NSD1: variants seen among roughly 807,000 people sequenced by gnomAD.
NSD1 encodes nuclear receptor binding SET domain protein 1, also known as histone-lysine N-methyltransferase, H3 lysine-36 specific.
NSD1 carries 26 observed loss-of-function variants against 242.7 expected under a neutral mutation model. The ratio of observed to expected loss-of-function variants is 0.11; its 90% CI spans 0.08 to 0.15. NSD1 has a LOEUF of 0.15. Among genes scored for constraint, NSD1 ranks in the 10% least tolerant of loss-of-function variants. The probability of loss-of-function intolerance (pLI) is 1.00; values close to 1 mark genes in which losing one functional copy is unlikely to be tolerated. For synonymous variants in NSD1, 1,106 were observed against 1,178.1 expected (o/e 0.94, Z 1.25); for missense variants, 2,495 against 3,272.8 (o/e 0.76, Z 5.80).
At chr5:177,208,457 T>C (rs2149840813) in intron 4 of NSD1, among the ~76,000 whole-genome samples, 1 of 152,240 alleles carries the variant, frequency 6.6e-6, no homozygotes, top group South Asian at 2.1e-4. Flanking sequence ...ATCCTGTTTT[T>C]TCTATATTCA....
intron 20 of NSD1, among the ~76,000 whole-genome samples, chr5:177,287,257 CTTTT>C (rs2127268108): frequency 6.6e-6 from 1 of 152,330 alleles, no homozygotes; most frequent in African/African-American, 2.4e-5. Flanking sequence ...ATCCTGCTTT[CTTTT>C]ATTTGTGTAT....
At chr5:177,192,430 C>G (rs1761768730) in intron 3 of NSD1, among the ~76,000 whole-genome samples, 1 of 151,432 alleles carries the variant, frequency 6.6e-6, no homozygotes, top group African/African-American at 2.4e-5. Context: ...GAGTTTTGCT[C>G]TTGTTGCCCA....
chr5:177,296,790 AC>A lies in NSD1; in HGVS notation c.*1333del, dbSNP rs939755425. ...AAATCTGTTGGTGCTACCCTGCCCT[AC>A]CATTCACCCAGCTCACAGACTGCCA... On this transcript the variant is annotated 3_prime_UTR_variant, in exon 23 of 23. Transcript: ENST00000439151. 4.3e-6 allele frequency: 1 copy of A among 233,224 alleles called. No individual in the cohort carries two copies. The highest frequency in any genetic ancestry group is 2.2e-5 in the African/African-American group (1 of 45,342). The allele number at this position is 233,224 out of a possible 1,614,324, so 14.4% of individuals were successfully genotyped here.
chr5:177,260,550 G>A (rs1011675687), intron 14 of NSD1, among the ~76,000 whole-genome samples: 1 of 151,892 alleles, frequency 6.6e-6, no homozygotes, highest in African/African-American at 2.4e-5. Flanking sequence ...GTTTTACCAT[G>A]TTGGCCAGGC....
rs769311050 is a variant in NSD1, at chr5:177,280,841, A to T, written c.5892+7A>T. 6.2e-7 allele frequency: 1 copy of T among 1,614,140 alleles called. No individual in the cohort carries two copies. The highest frequency in any genetic ancestry group is 8.5e-7 in the Non-Finnish European group (1 of 1,180,016). On this transcript the variant is annotated splice_region_variant and intron_variant, in intron 18 of 22. Coordinates refer to ENST00000439151, the MANE Select transcript of NSD1 (RefSeq NM_022455.5). The stretch of plus-strand genomic sequence containing the variant: ...AAAAACAGATATTAAAAAGGTTAGA[A>T]AAAGCTAAATTACCATATACTTTCT...
At chr5:177,265,728 T>A (rs1319421264) in intron 14 of NSD1, 1 of 1,583,810 alleles carries the variant, frequency 6.3e-7, no homozygotes, top group Middle Eastern at 1.7e-4. Flanking sequence ...TAGTCCTCCA[T>A]GTAGAACACC....
chr5:177,172,176 C>T (rs1759767105), intron 2 of NSD1, among the ~76,000 whole-genome samples: 1 of 152,202 alleles, frequency 6.6e-6, no homozygotes, highest in South Asian at 2.1e-4. Flanking sequence ...TCTGATGTCA[C>T]TATAAACACT....
At chr5:177,289,144 A>G (rs777432341) in intron 21 of NSD1, among the ~76,000 whole-genome samples, 41 of 151,838 alleles carry the variant, frequency 2.7e-4, no homozygotes, top group Non-Finnish European at 5.3e-4. Flanking sequence ...ACATGATGAA[A>G]CCCCATCTCT....
intron 2 of NSD1, among the ~76,000 whole-genome samples, chr5:177,176,236 C>T (rs1760189069): frequency 6.6e-6 from 1 of 151,748 alleles, no homozygotes; most frequent in Admixed American, 6.6e-5. Context: ...GGATTAAAAT[C>T]TAAGATCTAA....
At chr5:177,185,937 T>TAA (rs1363824182) in intron 2 of NSD1, among the ~76,000 whole-genome samples, 4 of 89,898 alleles carry the variant, frequency 4.4e-5, no homozygotes, top group Non-Finnish European at 5.9e-5. Flanking sequence ...TATAAATAAA[T>TAA]ATATATAATA....
rs2149756709 is a variant in NSD1, at chr5:177,135,791, G to A, written c.688G>A (p.Ala230Thr). The change falls in exon 2 of 23, where the codon GCT becomes ACT. Residue 230 changes from alanine (A) to threonine (T), a missense_variant. Ala to Thr is a moderately conservative substitution (Grantham distance 58, BLOSUM62 0). Around this residue, in one of 19 missense-constraint regions of NSD1, gnomAD observed 376 missense variants for 367.4 expected, o/e 1.02. Transcript: ENST00000439151. ...GAVKSPFLPL[A>T]PQTETQKNKQ... ...AGTCAAATCGCCATTCTTGCCATTAGCTCCTCAGACTGAAACACAGAAAAA... is the reference window on the plus strand; with the variant it reads ...AGTCAAATCGCCATTCTTGCCATTAACTCCTCAGACTGAAACACAGAAAAA... The A allele has an allele frequency of 1.2e-6, 2 of 1,612,504 alleles. No individual in the cohort carries two copies. Among genetic ancestry groups the A allele is most frequent in the Non-Finnish European group, 1.7e-6 (2 of 1,178,600 alleles).
In NSD1 at chr5:177,211,419, C is replaced by T. The variant is rs769099187; in HGVS notation, c.3020C>T (p.Ala1007Val). Residue 1007 changes from alanine (A) to valine (V), a missense_variant, in exon 5 of 23, where the codon GCT becomes GTT. Ala to Val is a moderately conservative substitution (Grantham distance 64, BLOSUM62 0). Transcript: ENST00000439151. ...GLLSDKRDLPASGKSRSDCVT... is the reference protein window; with the variant it reads ...GLLSDKRDLPVSGKSRSDCVT... ...CTGTCCGACAAGAGAGACCTCCCTG[C>T]TTCTGGTAAAAGTCGTTCAGACTGT... The T allele has an allele frequency of 1.2e-6, 2 of 1,614,158 alleles. No individual in the cohort carries two copies. Among genetic ancestry groups the T allele is most frequent in the South Asian group, 1.1e-5 (1 of 91,082 alleles).
chr5:177,237,196 T>A (rs1199516841), intron 6 of NSD1, among the ~76,000 whole-genome samples: 1 of 152,154 alleles, frequency 6.6e-6, no homozygotes, highest in Non-Finnish European at 1.5e-5. Flanking sequence ...ATATCAATAA[T>A]TTTATTAGAG....
chr5:177,235,989 A>T (rs1440440601), intron 6 of NSD1, 44 bp downstream of exon 6: 2 of 1,608,334 alleles, frequency 1.2e-6, no homozygotes, highest in South Asian at 2.2e-5. Context: ...TCCTTAGGAA[A>T]CTGCAATTTT....
Position 177,190,865 on chromosome 5 carries a change from C to G in NSD1, c.928-1019C>G, listed in dbSNP as rs1380810002. Among the ~76,000 whole-genome samples the G allele has an allele frequency of 2.0e-5, 3 of 151,462 alleles. No individual in the cohort carries two copies. The East Asian group carries it at 5.8e-4, about 29-fold the overall frequency. ...TTTATTTTTAGTAGAGACGGGGTTT[C>G]ACCGTGTTAGCCAGGATGGTCTCGA... is the stretch of plus-strand genomic sequence containing the variant. On this transcript the variant is annotated intron_variant, in intron 2 of 22. Coordinates refer to ENST00000439151, the MANE Select transcript of NSD1 (RefSeq NM_022455.5).
chr5:177,140,017 G>T (rs1034149154), intron 2 of NSD1, among the ~76,000 whole-genome samples: 1 of 151,758 alleles, frequency 6.6e-6, no homozygotes, highest in Admixed American at 6.6e-5. Context: ...TTCCTGTCTG[G>T]AATTAGAGAA....
intron 17 of NSD1, among the ~76,000 whole-genome samples, chr5:177,274,012 C>G (rs887450932): frequency 1.3e-5 from 2 of 152,058 alleles, no homozygotes; most frequent in Non-Finnish European, 2.9e-5. Flanking sequence ...TTGAGACCAG[C>G]CTGGCCAGGC....
Position 177,256,955 on chromosome 5 carries a change from C to A in NSD1, c.4770C>A (p.Ile1590=). Residue 1590 remains isoleucine (I), a synonymous_variant, in exon 13 of 23, where the codon ATC becomes ATA. Transcript: ENST00000439151. ...KFICNECRTG[I]HTCFVCKQSG... ...TATCTTCTTTTGGCTTCTCAGGAAT[C>A]CATACCTGTTTTGTATGTAAGCAGA... 1 of 1,612,960 alleles carries A rather than the reference C, an allele frequency of 6.2e-7. No individual in the cohort carries two copies. Among genetic ancestry groups the A allele is most frequent in the African/African-American group, 1.3e-5 (1 of 75,030 alleles).
At chr5:177,260,437 C>T (rs1202382639) in intron 14 of NSD1, among the ~76,000 whole-genome samples, 4 of 149,226 alleles carry the variant, frequency 2.7e-5, no homozygotes. Flanking sequence ...GCCTCCACCT[C>T]CCAGGTTCAA....
Sources: allele counts gnomAD v4.1 joint callset (sites outside exome capture counted in the v4.1 genomes callset), GRCh38; gene constraint gnomAD v4.1.1; regional missense constraint gnomAD v4.1.1; transcripts MANE v1.5; gene names NCBI Gene and HGNC (gene_info 2026-07-23, HGNC 2026-07-21).